ERBB4: variants seen among roughly 807,000 people sequenced by gnomAD.
ERBB4 encodes erb-b2 receptor tyrosine kinase 4, also known as receptor tyrosine-protein kinase erbB-4.
In ERBB4, 42 loss-of-function variants were observed where a neutral mutation model predicts 158.0. The observed-to-expected ratio is 0.27, with a 90% CI of 0.21 to 0.34. ERBB4 has a LOEUF of 0.34. Among genes scored for constraint, ERBB4 ranks in the 10% least tolerant of loss-of-function variants. The probability of loss-of-function intolerance (pLI) is 1.00; values close to 1 mark genes in which losing one functional copy is unlikely to be tolerated. For missense variants in ERBB4, 1,333 were observed against 1,624.1 expected (o/e 0.82, Z 3.08); for synonymous variants, 583 against 558.7 (o/e 1.04, Z -0.61).
chr2:211,792,188 A>G (rs1419535644), intron 3 of ERBB4, among the ~76,000 whole-genome samples: 2 of 151,760 alleles, frequency 1.3e-5, no homozygotes, highest in Non-Finnish European at 3.0e-5. Flanking sequence ...AATCAAAGTA[A>G]GAATGAAAGT....
chr2:211,766,356 T>A (rs1275250281), intron 4 of ERBB4, among the ~76,000 whole-genome samples: 1 of 152,172 alleles, frequency 6.6e-6, no homozygotes, highest in African/African-American at 2.4e-5. Flanking sequence ...AATCCTCTAG[T>A]GTAACCAGTG....
chr2:212,134,783 A>G (rs1311990262), intron 1 of ERBB4, among the ~76,000 whole-genome samples: 2 of 141,018 alleles, frequency 1.4e-5, no homozygotes, highest in African/African-American at 5.4e-5. Context: ...TCCCGGGTTC[A>G]TGCCATTCTC....
intron 1 of ERBB4, among the ~76,000 whole-genome samples, chr2:212,250,211 T>C (rs766530104): frequency 6.6e-6 from 1 of 152,002 alleles, no homozygotes; most frequent in Non-Finnish European, 1.5e-5. Context: ...TGTCTCACAA[T>C]TATATTTGTT....
chr2:211,616,119 A>G (rs959208597), intron 19 of ERBB4, among the ~76,000 whole-genome samples: 1 of 151,968 alleles, frequency 6.6e-6, no homozygotes, highest in Non-Finnish European at 1.5e-5. Flanking sequence ...CTTTCCACTG[A>G]GCCTATTTTG....
In ERBB4 at chr2:211,908,331, G is replaced by A. The variant is rs562201284; in HGVS notation, c.421+39099C>T. On this transcript the variant is annotated intron_variant, in intron 3 of 27. Coordinates refer to ENST00000342788, the MANE Select transcript of ERBB4 (RefSeq NM_005235.3). ...AGTATTGTATATTTGGACCACAACA[G>A]GGCACAGAACTGGTCCCTTTTTCTT... is the stretch of plus-strand genomic sequence containing the variant. Among the ~76,000 whole-genome samples, 11 of 151,848 alleles carry A rather than the reference G, an allele frequency of 7.2e-5. No individual in the cohort carries two copies. In the South Asian group the frequency reaches 2.3e-3, roughly 32 times the overall value.
intron 20 of ERBB4, among the ~76,000 whole-genome samples, chr2:211,535,973 T>C (rs1473346273): frequency 2.1e-5 from 1 of 48,394 alleles, no homozygotes; most frequent in Non-Finnish European, 3.9e-5. Context: ...CATTTCCCTG[T>C]TTTTTTAAAT....
intron 3 of ERBB4, among the ~76,000 whole-genome samples, chr2:211,889,602 T>C (rs1390686446): frequency 6.7e-6 from 1 of 150,358 alleles, no homozygotes; most frequent in African/African-American, 2.5e-5. Context: ...ACGATCAAAT[T>C]ACTCCGAGCT....
At chr2:212,403,226 T>C (rs1210785627) in intron 1 of ERBB4, among the ~76,000 whole-genome samples, 1 of 152,072 alleles carries the variant, frequency 6.6e-6, no homozygotes, top group Non-Finnish European at 1.5e-5. Context: ...CTAGGTTTCA[T>C]TTCTCTGGCT....
At chr2:211,993,401 C>T (rs1418553688) in intron 2 of ERBB4, among the ~76,000 whole-genome samples, 3 of 152,106 alleles carry the variant, frequency 2.0e-5, no homozygotes, top group Non-Finnish European at 4.4e-5. Context: ...GACAGCCAGC[C>T]TCTAGAACTT....
In ERBB4 at chr2:212,003,220, G is replaced by GAAAGACAGAAA. The variant is rs1559294358; in HGVS notation, c.235-55605_235-55604insTTTCTGTCTTT. On this transcript the variant is annotated intron_variant, in intron 2 of 27. Transcript: ENST00000342788. ...AAGAAAGAAAGACAGAAAGAAGGAAGGAAGGAAGGAAGGAAGGAAGGAAGG... is the reference window on the plus strand; with the variant it reads ...AAGAAAGAAAGACAGAAAGAAGGAAGAAAGACAGAAAGAAGGAAGGAAGGAAGGAAGGAAGG... Among the ~76,000 whole-genome samples, 250 of 35,222 alleles carry GAAAGACAGAAA rather than the reference G, an allele frequency of 7.1e-3. 8 individuals are homozygous for GAAAGACAGAAA. Among genetic ancestry groups the GAAAGACAGAAA allele is most frequent in the Admixed American group, 0.033 (123 of 3,706 alleles). 23.1% of individuals were successfully genotyped at this position (35,222 alleles called of 152,430 possible).
intron 1 of ERBB4, among the ~76,000 whole-genome samples, chr2:212,168,442 T>C (rs755716528): frequency 1.3e-5 from 2 of 152,112 alleles, no homozygotes; most frequent in African/African-American, 4.8e-5. Flanking sequence ...CATGCATGCA[T>C]GCACTCTTTC....
chr2:211,739,010 G>C (rs764232144), intron 5 of ERBB4, among the ~76,000 whole-genome samples: 8 of 152,054 alleles, frequency 5.3e-5, no homozygotes, highest in African/African-American at 9.7e-5. Context: ...TCATCATTCT[G>C]TAATTTTTAT....
At chr2:211,512,295 C>G (rs899397126) in intron 20 of ERBB4, among the ~76,000 whole-genome samples, 2 of 151,992 alleles carry the variant, frequency 1.3e-5, no homozygotes, top group African/African-American at 4.8e-5. Flanking sequence ...TTCCTTCCAC[C>G]ATTAATGTCA....
intron 27 of ERBB4, among the ~76,000 whole-genome samples, chr2:211,384,663 T>A (rs2062646939): frequency 6.6e-6 from 1 of 151,780 alleles, no homozygotes; most frequent in Non-Finnish European, 1.5e-5. Flanking sequence ...AAAGCAAATC[T>A]AACAGATAGC....
At chr2:211,956,140 T>C (rs1158856571) in intron 2 of ERBB4, among the ~76,000 whole-genome samples, 2 of 152,006 alleles carry the variant, frequency 1.3e-5, no homozygotes, top group Non-Finnish European at 2.9e-5. Context: ...TAATAATCTT[T>C]AATAACTATT....
chr2:211,996,650 A>G (rs1328652844), intron 2 of ERBB4, among the ~76,000 whole-genome samples: 1 of 152,160 alleles, frequency 6.6e-6, no homozygotes, highest in Admixed American at 6.6e-5. Context: ...TAGATACTGT[A>G]ATGTTCTATG....
At chr2:212,003,772 G>C (rs143811247) in intron 2 of ERBB4, among the ~76,000 whole-genome samples, 1 of 152,124 alleles carries the variant, frequency 6.6e-6, no homozygotes, top group Admixed American at 6.5e-5. Flanking sequence ...ATGATTGATA[G>C]GGCAAAGTGG....
chr2:211,646,092 TTAAG>T (rs1481651640), intron 16 of ERBB4, among the ~76,000 whole-genome samples: 1 of 151,446 alleles, frequency 6.6e-6, no homozygotes, highest in Non-Finnish European at 1.5e-5. Context: ...TAAAGTACTA[TTAAG>T]TGAGTAAAGT....
intron 22 of ERBB4, among the ~76,000 whole-genome samples, chr2:211,427,348 A>T (rs1484068946): frequency 6.6e-6 from 1 of 152,086 alleles, no homozygotes. Context: ...TTTTATTTGT[A>T]AGAAATGCTA....
Sources: gnomAD v4.1 joint callset for allele counts (sites outside exome capture counted in the v4.1 genomes callset) on GRCh38, gnomAD v4.1.1 for gene constraint, MANE v1.5 for transcripts, NCBI Gene and HGNC (gene_info 2026-07-23, HGNC 2026-07-21) for gene names.